The following TNKS2 variants were observed in gnomAD, a reference collection of about 807,000 sequenced individuals.
The protein encoded by TNKS2 is tankyrase 2.
TNKS2 carries 72 observed loss-of-function variants against 137.6 expected under a neutral mutation model. That is an observed-to-expected ratio of 0.52 (90% confidence interval 0.43 to 0.64). The LOEUF (loss-of-function observed/expected upper bound fraction) is 0.64, where lower values mean the gene tolerates loss of function less well. TNKS2 is among the 30% of genes least tolerant of loss of function. The pLI is 0.00. For synonymous variants in TNKS2, 516 were observed against 512.1 expected (o/e 1.01, Z -0.10); for missense variants, 1,049 against 1,410.2 (o/e 0.74, Z 4.10).
chr10:91,857,614 G>A lies in TNKS2; in HGVS notation c.3094+84G>A, dbSNP rs576783142. ...TCAGATATGAAATAATAATAAGCCTGTATATTCTTTATGTCAGTATTTTAA... is the reference window on the plus strand; with the variant it reads ...TCAGATATGAAATAATAATAAGCCTATATATTCTTTATGTCAGTATTTTAA... On this transcript the variant is annotated intron_variant, in intron 24 of 26. Coordinates refer to ENST00000371627, the MANE Select transcript of TNKS2 (RefSeq NM_025235.4). 45 of 730,238 alleles carry A rather than the reference G, an allele frequency of 6.2e-5. No individual in the cohort carries two copies. In the African/African-American group the frequency reaches 7.9e-4, roughly 13 times the overall value. The allele number at this position is 730,238 out of a possible 1,614,324, so 45.2% of individuals were successfully genotyped here.
chr10:91,809,409 G>A (rs578090504), intron 1 of TNKS2, among the ~76,000 whole-genome samples: 4 of 152,270 alleles, frequency 2.6e-5, no homozygotes, highest in Admixed American at 2.6e-4. Context: ...GCTCACGCCT[G>A]TAATCCCAGC....
At chr10:91,807,291 A>C (rs574822422) in intron 1 of TNKS2, 1 of 1,613,456 alleles carries the variant, frequency 6.2e-7, no homozygotes, top group South Asian at 1.1e-5. Flanking sequence ...TGTTTTATAC[A>C]CCAAACAAAC....
intron 1 of TNKS2, among the ~76,000 whole-genome samples, chr10:91,812,589 G>A (rs1002571485): frequency 2.6e-5 from 4 of 152,204 alleles, no homozygotes; most frequent in Non-Finnish European, 5.9e-5. Flanking sequence ...TTTTGTCACT[G>A]TATCATAAGG....
chr10:91,851,390 C>T, intron 21 of TNKS2, 54 bp downstream of exon 21: 2 of 1,571,042 alleles, frequency 1.3e-6, no homozygotes, highest in Non-Finnish European at 1.7e-6. Flanking sequence ...ATAAAGGCAA[C>T]CCTCAGTGTA....
chr10:91,848,125 C>T (rs751827509), intron 18 of TNKS2, among the ~76,000 whole-genome samples: 4 of 152,110 alleles, frequency 2.6e-5, no homozygotes, highest in Non-Finnish European at 5.9e-5. Flanking sequence ...TGAGCATCCC[C>T]GATCCCCAAA....
At chr10:91,822,474 A>G (rs1048233268) in intron 7 of TNKS2, 112 bp downstream of exon 7, 14 of 816,792 alleles carry the variant, frequency 1.7e-5, no homozygotes, top group Admixed American at 1.1e-4. Context: ...TGCTTAAAAA[A>G]GTAGAAGTAT....
chr10:91,803,499 C>T (rs907566759), intron 1 of TNKS2, among the ~76,000 whole-genome samples: 1 of 152,116 alleles, frequency 6.6e-6, no homozygotes, highest in Middle Eastern at 3.2e-3. Context: ...AAAAAGTAGC[C>T]AGGCATGGTG....
chr10:91,798,633 G>T lies in TNKS2; in HGVS notation c.-58G>T. 2 of 1,211,144 alleles carry T rather than the reference G, an allele frequency of 1.7e-6. No homozygotes were observed. The highest frequency in any genetic ancestry group is 2.1e-6 in the Non-Finnish European group (2 of 974,550). The allele number at this position is 1,211,144 out of a possible 1,614,324, so 75.0% of individuals were successfully genotyped here. ...GGGGCCTCGCCCTCCTGCTCGCGGGGCCGGGGCTCCTGCTCCGGTTGCTGG... is the reference window on the plus strand; with the variant it reads ...GGGGCCTCGCCCTCCTGCTCGCGGGTCCGGGGCTCCTGCTCCGGTTGCTGG... On this transcript the variant is annotated 5_prime_UTR_variant, in exon 1 of 27. Transcript: ENST00000371627.
At chr10:91,835,123 A>G (rs1841957948) in intron 12 of TNKS2, among the ~76,000 whole-genome samples, 1 of 152,158 alleles carries the variant, frequency 6.6e-6, no homozygotes, top group African/African-American at 2.4e-5. Context: ...TTACAGAAGT[A>G]ATAGATTTTA....
intron 13 of TNKS2, among the ~76,000 whole-genome samples, chr10:91,839,406 G>A (rs1310035803): frequency 1.3e-5 from 2 of 151,414 alleles, no homozygotes; most frequent in Non-Finnish European, 2.9e-5. Flanking sequence ...GTGATGGCAC[G>A]ATCTCAACTC....
At chr10:91,839,290 T>C (rs1438485835) in intron 13 of TNKS2, among the ~76,000 whole-genome samples, 1 of 152,178 alleles carries the variant, frequency 6.6e-6, no homozygotes, top group Non-Finnish European at 1.5e-5. Flanking sequence ...GCACAGAAAA[T>C]TGACTGTTTT....
chr10:91,847,851 A>G (rs1292873962), intron 18 of TNKS2, among the ~76,000 whole-genome samples: 2 of 152,216 alleles, frequency 1.3e-5, no homozygotes, highest in African/African-American at 2.4e-5. Context: ...ACCTTTTAAA[A>G]TTGATATTTC....
intron 19 of TNKS2, 123 bp from the exon 20 acceptor site, chr10:91,849,384 ATATCC>A: frequency 1.5e-6 from 1 of 650,058 alleles, no homozygotes; most frequent in Non-Finnish European, 2.5e-6. Context: ...GTTCAGTATT[ATATCC>A]TAAGTGGCTA....
chr10:91,817,092 A>G (rs1359634758), intron 2 of TNKS2, 42 bp from the exon 3 acceptor site: 1 of 1,382,316 alleles, frequency 7.2e-7, no homozygotes, highest in Non-Finnish European at 1.0e-6. Flanking sequence ...TCAAGTTGTT[A>G]AGATTACCAT....
intron 20 of TNKS2, among the ~76,000 whole-genome samples, chr10:91,849,899 C>G (rs1472756992): frequency 1.3e-5 from 2 of 152,154 alleles, no homozygotes; most frequent in Non-Finnish European, 2.9e-5. Context: ...TGACACTTTT[C>G]TAGCTGCTAT....
At chr10:91,840,824 A>G in intron 14 of TNKS2, 118 bp downstream of exon 14, 1 of 952,546 alleles carries the variant, frequency 1.0e-6, no homozygotes, top group South Asian at 1.9e-5. Context: ...ACATTGGCCT[A>G]AATATTAAAT....
At chr10:91,804,198 A>C (rs1478926992) in intron 1 of TNKS2, among the ~76,000 whole-genome samples, 1 of 152,114 alleles carries the variant, frequency 6.6e-6, no homozygotes, top group Non-Finnish European at 1.5e-5. Flanking sequence ...ATCCTTTCCT[A>C]TTCCAGCAGA....
chr10:91,812,932 T>G, intron 1 of TNKS2, 51 bp from the exon 2 acceptor site: 1 of 1,594,420 alleles, frequency 6.3e-7, no homozygotes. Context: ...TTATCTAATT[T>G]GATATCTTTT....
At position 91,798,794 on chromosome 10, in the gene TNKS2, G is replaced by A. The variant is rs1844054823; in HGVS notation, c.104G>A (p.Gly35Glu). The change falls in exon 1 of 27, where the codon GGG becomes GAG. Residue 35 changes from glycine (G) to glutamate (E), a missense_variant. Physicochemically the swap from Gly to Glu is moderately conservative, Grantham distance 98 (BLOSUM62 -2). Around this residue, in one of 6 missense-constraint regions of TNKS2, gnomAD observed 374 missense variants for 460.8 expected, o/e 0.81. Coordinates refer to ENST00000371627, the MANE Select transcript of TNKS2 (RefSeq NM_025235.4). ...GAGCTGTTCGAGGCGTGCCGCAACG[G>A]GGACGTGGAACGAGTCAAGAGGCTG... is the stretch of plus-strand genomic sequence containing the variant. The part of the protein sequence containing the change: ...ARELFEACRN[G>E]DVERVKRLVT... The A allele has an allele frequency of 1.5e-6, 2 of 1,303,798 alleles. No homozygotes were observed. The highest frequency in any genetic ancestry group is 2.0e-6 in the Non-Finnish European group (2 of 1,016,938). The allele number at this position is 1,303,798 out of a possible 1,614,324, so 80.8% of individuals were successfully genotyped here.
Sources: allele counts gnomAD v4.1 joint callset (sites outside exome capture counted in the v4.1 genomes callset), GRCh38; gene constraint gnomAD v4.1.1; regional missense constraint gnomAD v4.1.1; transcripts MANE v1.5; gene names NCBI Gene and HGNC (gene_info 2026-07-23, HGNC 2026-07-21).